The following TTC29 variants were observed in gnomAD, a reference collection of about 807,000 sequenced individuals.
TTC29 encodes tetratricopeptide repeat domain 29, also known as tetratricopeptide repeat protein 29.
In TTC29, 49 loss-of-function variants were observed where a neutral mutation model predicts 58.1. The observed-to-expected ratio is 0.84, with a 90% confidence interval of 0.67 to 1.07. The LOEUF (loss-of-function observed/expected upper bound fraction) is 1.07, where lower values mean the gene tolerates loss of function less well. Ranked by LOEUF, TTC29 falls within the 50% of genes least tolerant of loss-of-function variation. The pLI, the probability that TTC29 is intolerant of heterozygous loss-of-function variation, is 0.00. For missense variants in TTC29, 582 were observed against 555.6 expected (o/e 1.05, Z -0.48); for synonymous variants, 209 against 196.8 (o/e 1.06, Z -0.52).
chr4:146,707,379 A>C (rs1334294481), intron 12 of TTC29, 106 bp downstream of exon 12: 19 of 849,380 alleles, frequency 2.2e-5, no homozygotes, highest in Non-Finnish European at 2.9e-5. Flanking sequence ...TAAGGTTATC[A>C]AGTGCTGGAT....
chr4:146,899,235 C>G (rs1732975118), intron 6 of TTC29, among the ~76,000 whole-genome samples: 1 of 152,136 alleles, frequency 6.6e-6, no homozygotes, highest in Admixed American at 6.5e-5. Context: ...TGTTCCCTGG[C>G]CTCAGATCAT....
intron 6 of TTC29, among the ~76,000 whole-genome samples, chr4:146,885,508 T>A (rs1731923812): frequency 6.6e-6 from 1 of 152,122 alleles, no homozygotes; most frequent in Non-Finnish European, 1.5e-5. Flanking sequence ...TTCCATATTA[T>A]TTATTTTCAT....
chr4:146,799,505 A>C (rs543433072), intron 11 of TTC29, among the ~76,000 whole-genome samples: 102 of 152,294 alleles, frequency 6.7e-4, no homozygotes, highest in African/African-American at 2.4e-3. Context: ...TGTGAGACAA[A>C]GTCATGGTTT....
intron 6 of TTC29, among the ~76,000 whole-genome samples, chr4:146,895,981 G>C (rs940350859): frequency 6.6e-6 from 1 of 151,946 alleles, no homozygotes; most frequent in African/African-American, 2.4e-5. Context: ...CTGTACAATA[G>C]TAAATATTAA....
Position 146,719,165 on chromosome 4 carries a change from G to A in TTC29, c.1331-11614C>T, listed in dbSNP as rs1215468062. On this transcript the variant is annotated intron_variant, in intron 11 of 12. Coordinates refer to ENST00000325106, the MANE Select transcript of TTC29 (RefSeq NM_031956.4). ...TGATGCCTCCAGATTTGTTCTTTTTGCTCATCATTGCCTTGGCTATTGGGG... is the reference window on the plus strand; with the variant it reads ...TGATGCCTCCAGATTTGTTCTTTTTACTCATCATTGCCTTGGCTATTGGGG... Among the ~76,000 whole-genome samples, 3 of 148,832 alleles carry A rather than the reference G, an allele frequency of 2.0e-5. No homozygotes were observed. The Admixed American group carries it at 2.0e-4, about 10-fold the overall frequency.
At chr4:146,871,068 G>T (rs1024302685) in intron 7 of TTC29, among the ~76,000 whole-genome samples, 2 of 151,726 alleles carry the variant, frequency 1.3e-5, no homozygotes, top group Non-Finnish European at 2.9e-5. Flanking sequence ...TACGAATATA[G>T]TCACAAAAAT....
In TTC29 at chr4:146,719,092, C is replaced by G. The variant is rs76244199; in HGVS notation, c.1331-11541G>C. 2.2e-4 allele frequency among the ~76,000 whole-genome samples: 34 copies of G among 152,036 alleles called. 1 individual carries two copies. The East Asian group carries it at 6.4e-3, about 29-fold the overall frequency. ...AACTCTATTTTTTGCCAGTATCACA[C>G]TGTTTTAATTATTATCAGTTTGTAG... is the stretch of plus-strand genomic sequence containing the variant. On this transcript the variant is annotated intron_variant, in intron 11 of 12. Transcript: ENST00000325106.
intron 6 of TTC29, among the ~76,000 whole-genome samples, chr4:146,891,393 C>A (rs756031964): frequency 5.9e-5 from 9 of 152,032 alleles, no homozygotes; most frequent in Non-Finnish European, 1.0e-4. Context: ...TAACCTTCAG[C>A]CTATTTTACT....
intron 11 of TTC29, among the ~76,000 whole-genome samples, chr4:146,777,915 T>G (rs1748231276): frequency 6.6e-6 from 1 of 152,192 alleles, no homozygotes; most frequent in Non-Finnish European, 1.5e-5. Flanking sequence ...GAGAGAAGAT[T>G]GCTCAATGAG....
intron 6 of TTC29, among the ~76,000 whole-genome samples, chr4:146,887,149 T>C (rs1217745253): frequency 1.3e-5 from 2 of 152,192 alleles, no homozygotes; most frequent in African/African-American, 4.8e-5. Flanking sequence ...TACAACTTTG[T>C]GCCTATAGAT....
At chr4:146,933,145 C>T (rs1735480883) in intron 4 of TTC29, among the ~76,000 whole-genome samples, 1 of 152,140 alleles carries the variant, frequency 6.6e-6, no homozygotes, top group African/African-American at 2.4e-5. Flanking sequence ...GTCCTAACTG[C>T]CACTAAGCTT....
At chr4:146,875,406 G>A (rs561714923) in intron 6 of TTC29, among the ~76,000 whole-genome samples, 23 of 152,222 alleles carry the variant, frequency 1.5e-4, no homozygotes, top group African/African-American at 5.1e-4. Flanking sequence ...GGCAAGTCTG[G>A]TGCTATAACA....
intron 11 of TTC29, among the ~76,000 whole-genome samples, chr4:146,743,170 T>C (rs1224507854): frequency 6.6e-6 from 1 of 151,776 alleles, no homozygotes; most frequent in Non-Finnish European, 1.5e-5. Context: ...AAAAAGAAAA[T>C]ATGCAAGAAA....
At chr4:146,797,976 T>C (rs1226106113) in intron 11 of TTC29, among the ~76,000 whole-genome samples, 1 of 151,768 alleles carries the variant, frequency 6.6e-6, no homozygotes, top group African/African-American at 2.4e-5. Flanking sequence ...TTTTCAGTAT[T>C]TTTTCACAGT....
intron 11 of TTC29, among the ~76,000 whole-genome samples, chr4:146,761,436 C>T (rs1746893062): frequency 6.6e-6 from 1 of 151,902 alleles, no homozygotes; most frequent in South Asian, 2.1e-4. Flanking sequence ...TGCATGAAAA[C>T]AATTCTTTCT....
intron 9 of TTC29, among the ~76,000 whole-genome samples, chr4:146,827,137 G>A (rs1306848432): frequency 6.6e-6 from 1 of 151,966 alleles, no homozygotes; most frequent in Non-Finnish European, 1.5e-5. Context: ...CCATGTCTGT[G>A]CCCACATCCC....
chr4:146,812,111 A>T (rs1751065145), intron 10 of TTC29, among the ~76,000 whole-genome samples: 1 of 152,172 alleles, frequency 6.6e-6, no homozygotes, highest in African/African-American at 2.4e-5. Flanking sequence ...AAACATACAA[A>T]TATTACAAAT....
At chr4:146,764,995 C>T (rs941514377) in intron 11 of TTC29, among the ~76,000 whole-genome samples, 2 of 152,000 alleles carry the variant, frequency 1.3e-5, no homozygotes, top group Non-Finnish European at 2.9e-5. Context: ...TTAAGTTTAG[C>T]CATAAGCATT....
chr4:146,942,502 A>G (rs905394428), intron 2 of TTC29: 12 of 739,072 alleles, frequency 1.6e-5, no homozygotes, highest in Non-Finnish European at 2.3e-5. Context: ...AGCATCATAC[A>G]GAGCATATGG....
Sources: allele counts gnomAD v4.1 joint callset (sites outside exome capture counted in the v4.1 genomes callset), GRCh38; gene constraint gnomAD v4.1.1; transcripts MANE v1.5; gene names NCBI Gene and HGNC (gene_info 2026-07-23, HGNC 2026-07-21).